The following WNT4 variants were observed in gnomAD, a reference collection of about 807,000 sequenced individuals.
WNT4 encodes the protein protein Wnt-4.
Under a neutral mutation model 34.5 loss-of-function variants are expected in WNT4, and 16 were observed. The ratio of observed to expected loss-of-function variants is 0.46; its 90% CI spans 0.31 to 0.70. The LOEUF is 0.70. Among genes scored for constraint, WNT4 ranks in the 30% least tolerant of loss-of-function variants. WNT4 has a pLI of 0.04. For synonymous variants in WNT4, 200 were observed against 211.9 expected (o/e 0.94, Z 0.49); for missense variants, 379 against 495.9 (o/e 0.76, Z 2.24).
rs138520181 is a variant in WNT4, at chr1:22,135,765, G to A, written c.78-5914C>T. Among the ~76,000 whole-genome samples, 263 of 152,244 alleles carry A rather than the reference G, an allele frequency of 1.7e-3. 1 individual carries two copies. The highest frequency in any genetic ancestry group is 6.1e-3 in the African/African-American group (252 of 41,518). On this transcript the variant is annotated intron_variant, in intron 1 of 4. Coordinates refer to ENST00000290167, the MANE Select transcript of WNT4 (RefSeq NM_030761.5). ...GCCTTCACCCCTCAGCCTTAGCATG[G>A]TCCTAGGTCTCTCAAGGCCCAGGCC...
chr1:22,118,681 T>G lies in WNT4; in HGVS notation c.*1369A>C, dbSNP rs1013911432. The G allele has an allele frequency of 2.0e-5, 3 of 152,736 alleles. No homozygotes were observed. Among genetic ancestry groups the G allele is most frequent in the African/African-American group, 4.8e-5 (2 of 41,484 alleles). 9.5% of individuals were successfully genotyped at this position (152,736 alleles called of 1,614,324 possible). On this transcript the variant is annotated 3_prime_UTR_variant, in exon 5 of 5. Transcript: ENST00000290167. ...CCTTAGGAACCATGTGGGCTCCAGCTCAGCCTGTGGTCTCTGGCTCCTGCT... is the reference window on the plus strand; with the variant it reads ...CCTTAGGAACCATGTGGGCTCCAGCGCAGCCTGTGGTCTCTGGCTCCTGCT...
rs1474347829 is a variant in WNT4, at chr1:22,119,688, T to C, written c.*362A>G. On this transcript the variant is annotated 3_prime_UTR_variant, in exon 5 of 5. Transcript: ENST00000290167. ...TGCCATAAGGCCCCCTCTTCCCCGA[T>C]GACACGGTCAGTAGCCATGTGGTGG... 3 of 365,552 alleles carry C rather than the reference T, an allele frequency of 8.2e-6. No homozygotes were observed. Among genetic ancestry groups the C allele is most frequent in the Admixed American group, 4.4e-5 (1 of 22,770 alleles). The allele number at this position is 365,552 out of a possible 1,614,324, so 22.6% of individuals were successfully genotyped here.
rs1242353804 is a variant in WNT4 at position 22,142,598 on chromosome 1, C to T, written c.77+248G>A. On this transcript the variant is annotated intron_variant, in intron 1 of 4. Coordinates refer to ENST00000290167, the MANE Select transcript of WNT4 (RefSeq NM_030761.5). This position sits in a 1 kb window ranked among gnomAD's most constrained non-coding sequence, Gnocchi z 6.0. ...GAGAGCCCCGAGCCGCCTACCGGTG[C>T]GGACGCCGCCACAGCCACCCCTGAC... Among the ~76,000 whole-genome samples, 2 of 151,826 alleles carry T rather than the reference C, an allele frequency of 1.3e-5. No individual in the cohort carries two copies. Among genetic ancestry groups the T allele is most frequent in the Non-Finnish European group, 2.9e-5 (2 of 67,914 alleles).
rs751455784 is a variant in WNT4, at chr1:22,120,477, C to A, written c.629G>T (p.Gly210Val). ...THMRVECKCH[G>V]VSGSCEVKTC... is the part of the protein sequence containing the mutation. ...CTTTACCTCACAGGAGCCTGACACC[C>A]CGTGGCACTTGCATTCCACCCGCAT... The change falls in exon 5 of 5, where the codon GGG becomes GTG. Residue 210 changes from glycine (G) to valine (V), a missense_variant. Gly to Val is a moderately radical substitution (Grantham distance 109, BLOSUM62 -3). Around this residue, in one of 2 missense-constraint regions of WNT4, gnomAD observed 313 missense variants for 445.8 expected, o/e 0.70. Coordinates refer to ENST00000290167, the MANE Select transcript of WNT4 (RefSeq NM_030761.5). 1 of 1,613,552 alleles carries A rather than the reference C, an allele frequency of 6.2e-7. No individual in the cohort carries two copies. The highest frequency in any genetic ancestry group is 8.5e-7 in the Non-Finnish European group (1 of 1,179,964).
chr1:22,119,757 C>T lies in WNT4; in HGVS notation c.*293G>A, dbSNP rs1360381197. ...CACCTTAGGTCTGCAAGTAGAAAAA[C>T]GGACACAGATAACAACTGAGTGGTC... On this transcript the variant is annotated 3_prime_UTR_variant, in exon 5 of 5. Transcript: ENST00000290167. The T allele has an allele frequency of 2.7e-5, 14 of 519,030 alleles. No individual in the cohort carries two copies. Among genetic ancestry groups the T allele is most frequent in the East Asian group, 1.0e-4 (3 of 28,878 alleles). The allele number at this position is 519,030 out of a possible 1,614,324, so 32.2% of individuals were successfully genotyped here.
Position 22,142,916 on chromosome 1 carries a change from G to A in WNT4, c.7C>T (p.Pro3Ser). The change falls in exon 1 of 5, where the codon CCC becomes TCC. Residue 3 changes from proline (P) to serine (S), a missense_variant. By Grantham distance (74) the Pro-to-Ser change is moderately conservative. Around this residue, in one of 2 missense-constraint regions of WNT4, gnomAD observed 66 missense variants for 50.1 expected, o/e 1.32. Coordinates refer to ENST00000290167, the MANE Select transcript of WNT4 (RefSeq NM_030761.5). The surrounding 1 kb of genome is among the most constrained non-coding windows in gnomAD (Gnocchi z 6.0). ...CGCAGCGAACGCAGGCACGAGCGGG[G>A]ACTCATGGTGCCGCCGCGGGCGCCC... Reference protein sequence around the residue: MSPRSCLRSLRLL... With the variant: MSSRSCLRSLRLL... 4 of 1,164,068 alleles carry A rather than the reference G, an allele frequency of 3.4e-6. No individual in the cohort carries two copies. The highest frequency in any genetic ancestry group is 4.3e-6 in the Non-Finnish European group (4 of 920,278). The allele number at this position is 1,164,068 out of a possible 1,614,324, so 72.1% of individuals were successfully genotyped here.
intron 1 of WNT4, among the ~76,000 whole-genome samples, chr1:22,138,671 T>C (rs1298043371): frequency 6.6e-6 from 1 of 152,044 alleles, no homozygotes; most frequent in Non-Finnish European, 1.5e-5. Context: ...AGGAGACGGA[T>C]TTTTGACTAT....
At chr1:22,132,771 G>C (rs938580361) in intron 1 of WNT4, among the ~76,000 whole-genome samples, 1 of 152,160 alleles carries the variant, frequency 6.6e-6, no homozygotes, top group Non-Finnish European at 1.5e-5. Flanking sequence ...GTTGGCACCA[G>C]TGCCCACCCC....
intron 1 of WNT4, among the ~76,000 whole-genome samples, chr1:22,141,715 T>TCAGA (rs1646068935): frequency 6.6e-6 from 1 of 152,170 alleles, no homozygotes; most frequent in South Asian, 2.1e-4. Flanking sequence ...TGGAGGGCTC[T>TCAGA]GGCTGGCCAC....
rs1266042815 is a variant in WNT4 at position 22,134,140 on chromosome 1, G to A, written c.78-4289C>T. On this transcript the variant is annotated intron_variant, in intron 1 of 4. Coordinates refer to ENST00000290167, the MANE Select transcript of WNT4 (RefSeq NM_030761.5). The surrounding 1 kb of genome is among the most constrained non-coding windows in gnomAD (Gnocchi z 4.1). ...CGGGTGTCCAGGTGGGGGCTGGGAC[G>A]CCAGCGCAGGCCTCTCTGCCCCCTC... 6.6e-6 allele frequency among the ~76,000 whole-genome samples: 1 copy of A among 152,196 alleles called. No individual in the cohort carries two copies. Among genetic ancestry groups the A allele is most frequent in the Non-Finnish European group, 1.5e-5 (1 of 68,028 alleles).
chr1:22,126,495 C>T (rs1027323177), intron 2 of WNT4, among the ~76,000 whole-genome samples: 4 of 152,228 alleles, frequency 2.6e-5, no homozygotes, highest in African/African-American at 9.6e-5. Flanking sequence ...TCTCCTTTCT[C>T]AGCTGTGATG....
At position 22,120,029 on chromosome 1, in the gene WNT4, G is replaced by T; in HGVS notation, c.*21C>A. 1 of 1,603,096 alleles carries T rather than the reference G, an allele frequency of 6.2e-7. No homozygotes were observed. Among genetic ancestry groups the T allele is most frequent in the Non-Finnish European group, 8.5e-7 (1 of 1,179,222 alleles). ...TTCCCTGGGCCACTAGGTGGTTGCC[G>T]GCGCAGGGCTAGGCAGGCGGTCATC... On this transcript the variant is annotated 3_prime_UTR_variant, in exon 5 of 5. Coordinates refer to ENST00000290167, the MANE Select transcript of WNT4 (RefSeq NM_030761.5).
At chr1:22,132,227 T>A (rs1400301977) in intron 1 of WNT4, among the ~76,000 whole-genome samples, 2 of 152,182 alleles carry the variant, frequency 1.3e-5, no homozygotes, top group African/African-American at 4.8e-5. Context: ...GTGGGGGCCC[T>A]GTTTGCTCTA....
intron 2 of WNT4, among the ~76,000 whole-genome samples, chr1:22,128,383 G>T (rs1267128779): frequency 6.6e-6 from 1 of 152,206 alleles, no homozygotes; most frequent in South Asian, 2.1e-4. Context: ...TCAGGAAGTA[G>T]AAAAAGGGGC....
At chr1:22,125,900 G>A (rs1276527272) in intron 2 of WNT4, among the ~76,000 whole-genome samples, 1 of 152,168 alleles carries the variant, frequency 6.6e-6, no homozygotes, top group Non-Finnish European at 1.5e-5. Flanking sequence ...TATCAGTTCA[G>A]TATTTAACGA....
chr1:22,130,065 T>C (rs1645971421), intron 1 of WNT4, among the ~76,000 whole-genome samples: 1 of 152,068 alleles, frequency 6.6e-6, no homozygotes. Flanking sequence ...AAAGCCTCTA[T>C]CTCAAGTTCA....
rs1244586078 is a variant in WNT4, at chr1:22,134,128, G to C, written c.78-4277C>G. On this transcript the variant is annotated intron_variant, in intron 1 of 4. Transcript: ENST00000290167. This position sits in a 1 kb window ranked among gnomAD's most constrained non-coding sequence, Gnocchi z 4.1. The stretch of plus-strand genomic sequence containing the variant: ...GTCCCGGCCCTGCGGGTGTCCAGGT[G>C]GGGGCTGGGACGCCAGCGCAGGCCT... 2.6e-5 allele frequency among the ~76,000 whole-genome samples: 4 copies of C among 152,228 alleles called. No homozygotes were observed. The highest frequency in any genetic ancestry group is 4.4e-5 in the Non-Finnish European group (3 of 68,038).
At chr1:22,141,746 C>T (rs1360930585) in intron 1 of WNT4, among the ~76,000 whole-genome samples, 1 of 152,192 alleles carries the variant, frequency 6.6e-6, no homozygotes, top group Admixed American at 6.5e-5. Flanking sequence ...TAGCAACAGC[C>T]ATTGGACACT....
At chr1:22,122,612 G>A (rs960584453) in intron 2 of WNT4, among the ~76,000 whole-genome samples, 1 of 152,160 alleles carries the variant, frequency 6.6e-6, no homozygotes, top group Non-Finnish European at 1.5e-5. Context: ...CCTGTGAGGA[G>A]GGCCTCTGTA....
Sources: allele counts gnomAD v4.1 joint callset (sites outside exome capture counted in the v4.1 genomes callset), GRCh38; gene constraint gnomAD v4.1.1; regional missense constraint gnomAD v4.1.1; non-coding constraint Gnocchi (gnomAD v3.1); transcripts MANE v1.5; gene names NCBI Gene and HGNC (gene_info 2026-07-23, HGNC 2026-07-21).